Variants in MRPS6 observed in about 807,000 individuals in gnomAD.
MRPS6 encodes mitochondrial ribosomal protein S6.
A neutral mutation model predicts 13.1 loss-of-function variants in MRPS6; 6 were observed. The observed-to-expected ratio is 0.46, with a 90% CI of 0.25 to 0.91. The LOEUF is 0.91. Among genes scored for constraint, MRPS6 ranks in the 40% least tolerant of loss-of-function variants. The pLI is 0.18. For missense variants in MRPS6, 164 were observed against 155.6 expected (o/e 1.05, Z -0.29); for synonymous variants, 61 against 56.5 (o/e 1.08, Z -0.36).
At chr21:34,103,799 G>A in intron 1 of MRPS6, 2 of 1,000,102 alleles carry the variant, frequency 2.0e-6, no homozygotes, top group Non-Finnish European at 2.4e-6. Flanking sequence ...CATTGATGGA[G>A]GGAGAGAATA....
Position 34,096,194 on chromosome 21 carries a change from C to A in MRPS6, c.45+22449C>A. ...TTACTGATGATATAGCTTGCATCAA[C>A]CCAGAGCACTGCATGCTGGTGTGTG... On this transcript the variant is annotated intron_variant, in intron 1 of 2. Transcript: ENST00000399312. This position sits in a 1 kb window ranked among gnomAD's most constrained non-coding sequence, Gnocchi z 5.9. 2.5e-6 allele frequency: 4 copies of A among 1,614,180 alleles called. No individual in the cohort carries two copies. Among genetic ancestry groups the A allele is most frequent in the Non-Finnish European group, 3.4e-6 (4 of 1,180,008 alleles).
chr21:34,121,715 T>C (rs1226126122), intron 1 of MRPS6, among the ~76,000 whole-genome samples: 2 of 152,216 alleles, frequency 1.3e-5, no homozygotes, highest in Non-Finnish European at 2.9e-5. Flanking sequence ...GCAAGATCAT[T>C]TGTTTCCTGT....
At chr21:34,097,338 GT>G in intron 1 of MRPS6, 1 of 1,604,400 alleles carries the variant, frequency 6.2e-7, no homozygotes, top group Non-Finnish European at 8.5e-7. Context: ...TTTCATGTTT[GT>G]TTATTTCTCC....
intron 1 of MRPS6, among the ~76,000 whole-genome samples, chr21:34,087,382 A>C (rs902798804): frequency 2.0e-5 from 3 of 152,112 alleles, no homozygotes; most frequent in Non-Finnish European, 4.4e-5. Flanking sequence ...TTAATATTTG[A>C]TTTTTTTATT....
chr21:34,074,011 CG>C (rs1200380419), intron 1 of MRPS6, among the ~76,000 whole-genome samples: 9 of 144,642 alleles, frequency 6.2e-5, no homozygotes, highest in Non-Finnish European at 1.4e-4. Context: ...GCCCGCCGGG[CG>C]GGGGGCGGGG....
intron 1 of MRPS6, among the ~76,000 whole-genome samples, chr21:34,087,724 A>G (rs994643814): frequency 6.6e-6 from 1 of 152,214 alleles, no homozygotes; most frequent in African/African-American, 2.4e-5. Context: ...TTGTGATGAA[A>G]GGGTTGACTG....
intron 1 of MRPS6, among the ~76,000 whole-genome samples, chr21:34,093,225 C>G (rs1978796244): frequency 6.6e-6 from 1 of 151,180 alleles, no homozygotes; most frequent in African/African-American, 2.4e-5. Flanking sequence ...TGATACAAAC[C>G]TCAACTTTTA....
chr21:34,101,529 T>C (rs1244606535), intron 1 of MRPS6: 1 of 1,000,098 alleles, frequency 1.0e-6, no homozygotes, highest in Middle Eastern at 5.2e-4. Context: ...TATGTGTATA[T>C]GCCCACTTAC....
At chr21:34,114,617 G>A (rs2148665727) in intron 1 of MRPS6, among the ~76,000 whole-genome samples, 1 of 152,228 alleles carries the variant, frequency 6.6e-6, no homozygotes, top group Non-Finnish European at 1.5e-5. Context: ...AAATACCTTG[G>A]TGATTTCTGC....
intron 1 of MRPS6, chr21:34,102,140 G>A (rs773357098): frequency 1.0e-6 from 1 of 1,000,142 alleles, no homozygotes; most frequent in African/African-American, 1.7e-5. Flanking sequence ...GAATGTTTTT[G>A]TCAGACTGTC....
chr21:34,102,106 CTT>C (rs1411303583), intron 1 of MRPS6: 1 of 1,000,030 alleles, frequency 1.0e-6, no homozygotes, highest in Non-Finnish European at 1.2e-6. Flanking sequence ...AAATCTTTTT[CTT>C]CTGTCAAGGT....
chr21:34,098,776 T>A, intron 1 of MRPS6: 1 of 1,000,242 alleles, frequency 1.0e-6, no homozygotes, highest in African/African-American at 1.7e-5. Flanking sequence ...GTACAAAAGA[T>A]GTTAGAGAAA....
rs867675298 is a variant in MRPS6, at chr21:34,142,750, C to T, written c.*150C>T. On this transcript the variant is annotated 3_prime_UTR_variant, in exon 3 of 3. Transcript: ENST00000399312. ...TAAGGTATTTTTAGCCCTTGATCCC[C>T]TTTGCTTGCGAGAGGTGGGGAACTG... is the stretch of plus-strand genomic sequence containing the variant. 3.3e-5 allele frequency: 31 copies of T among 927,272 alleles called. No individual in the cohort carries two copies. The highest frequency in any genetic ancestry group is 4.2e-5 in the Non-Finnish European group (28 of 668,088). 57.4% of individuals were successfully genotyped at this position (927,272 alleles called of 1,614,324 possible).
At chr21:34,140,582 A>G (rs866010593) in intron 2 of MRPS6, among the ~76,000 whole-genome samples, 3 of 152,300 alleles carry the variant, frequency 2.0e-5, no homozygotes, top group Middle Eastern at 3.4e-3. Context: ...CCACTTGGTT[A>G]ATGTTGGTGT....
chr21:34,100,725 G>C (rs992901881), intron 1 of MRPS6: 2 of 999,924 alleles, frequency 2.0e-6, no homozygotes, highest in Admixed American at 1.2e-4. Context: ...TAACTCTTGT[G>C]AGAGCCAATA....
intron 2 of MRPS6, among the ~76,000 whole-genome samples, chr21:34,141,815 G>C (rs1602973987): frequency 6.6e-6 from 1 of 152,336 alleles, no homozygotes; most frequent in East Asian, 1.9e-4. Flanking sequence ...GTCGACATTA[G>C]TCTGGTTTGA....
intron 1 of MRPS6, chr21:34,123,149 G>GT (rs900144417): frequency 2.6e-5 from 4 of 152,156 alleles, no homozygotes; most frequent in East Asian, 1.9e-4. Flanking sequence ...AGTAAAGAAT[G>GT]TTTTTTTCTA....
At chr21:34,130,309 G>A (rs1390234999) in intron 2 of MRPS6, among the ~76,000 whole-genome samples, 1 of 152,200 alleles carries the variant, frequency 6.6e-6, no homozygotes, top group Non-Finnish European at 1.5e-5. Flanking sequence ...ACATTTAAGG[G>A]CACTGTCAGA....
chr21:34,077,439 C>T (rs1255362880), intron 1 of MRPS6, among the ~76,000 whole-genome samples: 1 of 152,114 alleles, frequency 6.6e-6, no homozygotes, highest in Non-Finnish European at 1.5e-5. Context: ...ATTATGAAAG[C>T]CCTGGGATAA....
Sources: gnomAD v4.1 joint callset for allele counts (sites outside exome capture counted in the v4.1 genomes callset) on GRCh38, gnomAD v4.1.1 for gene constraint, Gnocchi (gnomAD v3.1) non-coding constraint, MANE v1.5 for transcripts, NCBI Gene and HGNC (gene_info 2026-07-23, HGNC 2026-07-21) for gene names.